Variants in ATP9B observed in about 807,000 individuals in gnomAD.
The protein encoded by ATP9B is probable phospholipid-transporting ATPase IIB.
Under a neutral mutation model 146.1 loss-of-function variants are expected in ATP9B, and 110 were observed. That is an observed-to-expected ratio of 0.75 (90% CI 0.65 to 0.88). The LOEUF (loss-of-function observed/expected upper bound fraction) is 0.88, where lower values mean the gene tolerates loss of function less well. Among genes scored for constraint, ATP9B ranks in the 40% least tolerant of loss-of-function variants. The pLI is 0.00. For missense variants in ATP9B, 1,499 were observed against 1,496.4 expected (o/e 1.00, Z -0.03); for synonymous variants, 604 against 569.7 (o/e 1.06, Z -0.86).
chr18:79,275,579 G>A (rs2096298798), intron 12 of ATP9B, among the ~76,000 whole-genome samples: 1 of 152,206 alleles, frequency 6.6e-6, no homozygotes, highest in Non-Finnish European at 1.5e-5. Context: ...AGCTGATAAA[G>A]GTTTCGTCTC....
chr18:79,093,856 G>A (rs190995058), intron 1 of ATP9B, among the ~76,000 whole-genome samples: 53 of 152,286 alleles, frequency 3.5e-4, no homozygotes, highest in African/African-American at 9.4e-4. Context: ...CTCATGGAGC[G>A]TGGATATAAT....
At chr18:79,098,166 T>C (rs916234565) in intron 2 of ATP9B, among the ~76,000 whole-genome samples, 23 of 152,124 alleles carry the variant, frequency 1.5e-4, no homozygotes, top group Admixed American at 1.4e-3. Flanking sequence ...TAAATGGTGC[T>C]GGGAAAACTG....
At chr18:79,201,670 A>C (rs1384152801) in intron 9 of ATP9B, among the ~76,000 whole-genome samples, 1 of 152,076 alleles carries the variant, frequency 6.6e-6, no homozygotes, top group Non-Finnish European at 1.5e-5. Flanking sequence ...TCCTTGTTCA[A>C]GCAATTCTCC....
chr18:79,134,822 A>T (rs1412864658), intron 5 of ATP9B, among the ~76,000 whole-genome samples: 1 of 152,138 alleles, frequency 6.6e-6, no homozygotes, highest in African/African-American at 2.4e-5. Context: ...TCTTGGATGT[A>T]ATGTATAATT....
chr18:79,286,623 C>T (rs902501576), intron 13 of ATP9B, among the ~76,000 whole-genome samples: 92 of 152,132 alleles, frequency 6.0e-4, no homozygotes, highest in Admixed American at 9.8e-4. Context: ...CTTCTCCTGC[C>T]TAATTGCCCT....
chr18:79,240,469 C>T (rs553860341), intron 11 of ATP9B, among the ~76,000 whole-genome samples: 3 of 152,290 alleles, frequency 2.0e-5, no homozygotes, highest in South Asian at 2.1e-4. Flanking sequence ...AAGTTCTGGC[C>T]GGACACAGGC....
At chr18:79,130,229 A>G (rs992653366) in intron 5 of ATP9B, among the ~76,000 whole-genome samples, 1 of 152,192 alleles carries the variant, frequency 6.6e-6, no homozygotes, top group African/African-American at 2.4e-5. Context: ...TGTTGCTTAA[A>G]AGATATCAGA....
At chr18:79,155,338 A>C (rs540973162) in intron 7 of ATP9B, among the ~76,000 whole-genome samples, 11 of 152,342 alleles carry the variant, frequency 7.2e-5, no homozygotes, top group African/African-American at 2.6e-4. Flanking sequence ...TGAGCTTTCA[A>C]AAATACTAAG....
At chr18:79,218,519 T>C (rs1017257303) in intron 11 of ATP9B, among the ~76,000 whole-genome samples, 1 of 151,882 alleles carries the variant, frequency 6.6e-6, no homozygotes, top group African/African-American at 2.4e-5. Flanking sequence ...AGCTCCTGTT[T>C]CTTGTCGTAT....
At chr18:79,236,408 C>T (rs1430024861) in intron 11 of ATP9B, among the ~76,000 whole-genome samples, 1 of 152,070 alleles carries the variant, frequency 6.6e-6, no homozygotes, top group Non-Finnish European at 1.5e-5. Flanking sequence ...CTGCTGGTTG[C>T]CTTCTCACTT....
chr18:79,363,458 C>CTGGATTGAGAGACGTAAACAGATGTTCA, intron 26 of ATP9B: 1 of 152,194 alleles, frequency 6.6e-6, no homozygotes, highest in East Asian at 1.9e-4. Context: ...ACAGATGTTC[C>CTGGATTGAGAGACGTAAACAGATGTTCA]TGGATTGAGA....
At position 79,372,902 on chromosome 18, in the gene ATP9B, TTACTG is replaced by T. The variant is rs777638082; in HGVS notation, c.3070+21_3070+25del. The T allele has an allele frequency of 6.4e-7, 1 of 1,556,790 alleles. No individual in the cohort carries two copies. The highest frequency in any genetic ancestry group is 1.7e-5 in the Admixed American group (1 of 58,312). On this transcript the variant is annotated intron_variant, in intron 27 of 29. Coordinates refer to ENST00000426216, the MANE Select transcript of ATP9B (RefSeq NM_198531.5). ...ACCAAGGTAAGACGAGATCCTTAGTTTACTGGACTAAAGATTTTTTTATTTTGGTC... is the reference window on the plus strand; with the variant it reads ...ACCAAGGTAAGACGAGATCCTTAGTTGACTAAAGATTTTTTTATTTTGGTC...
chr18:79,237,579 A>G (rs913953010), intron 11 of ATP9B, among the ~76,000 whole-genome samples: 6 of 152,222 alleles, frequency 3.9e-5, no homozygotes, highest in Non-Finnish European at 5.9e-5. Context: ...CTTTTAGTCA[A>G]CGAATATTGT....
chr18:79,345,635 G>A, intron 22 of ATP9B, 63 bp downstream of exon 22: 1 of 1,595,970 alleles, frequency 6.3e-7, no homozygotes, highest in Non-Finnish European at 8.5e-7. Context: ...TGACATTGAT[G>A]GGCAAAGTTT....
chr18:79,088,753 A>G (rs1001638145), intron 1 of ATP9B, among the ~76,000 whole-genome samples: 3 of 152,210 alleles, frequency 2.0e-5, no homozygotes, highest in Non-Finnish European at 2.9e-5. Context: ...CATGGATACT[A>G]TGCTTTTTGC....
At chr18:79,167,336 C>G (rs2094984751) in intron 7 of ATP9B, among the ~76,000 whole-genome samples, 1 of 152,166 alleles carries the variant, frequency 6.6e-6, no homozygotes, top group Admixed American at 6.5e-5. Context: ...TATTGAGCGA[C>G]AGTACAGCTC....
chr18:79,365,156 A>G (rs2097018861), intron 26 of ATP9B, among the ~76,000 whole-genome samples: 1 of 152,384 alleles, frequency 6.6e-6, no homozygotes, highest in Non-Finnish European at 1.5e-5. Context: ...AGAAACCCCC[A>G]AAATTCAACA....
chr18:79,197,894 G>A (rs1434647253), intron 9 of ATP9B, among the ~76,000 whole-genome samples: 1 of 152,040 alleles, frequency 6.6e-6, no homozygotes, highest in East Asian at 1.9e-4. Flanking sequence ...CTACGAGAAC[G>A]GATTTTTTCC....
chr18:79,092,284 T>C (rs2074385332), intron 1 of ATP9B, among the ~76,000 whole-genome samples: 1 of 152,224 alleles, frequency 6.6e-6, no homozygotes, highest in African/African-American at 2.4e-5. Flanking sequence ...CTAGCCTATA[T>C]GGTATAGCCT....
Sources: gnomAD v4.1 joint callset for allele counts (sites outside exome capture counted in the v4.1 genomes callset) on GRCh38, gnomAD v4.1.1 for gene constraint, MANE v1.5 for transcripts, NCBI Gene and HGNC (gene_info 2026-07-23, HGNC 2026-07-21) for gene names.